The following NTM variants were observed in gnomAD, a reference collection of about 807,000 sequenced individuals.
NTM encodes the protein IgLON family member 2.
A neutral mutation model predicts 42.1 loss-of-function variants in NTM; 13 were observed. That is an observed-to-expected ratio of 0.31 (90% CI 0.20 to 0.49). The LOEUF is 0.49. Among genes scored for constraint, NTM ranks in the 20% least tolerant of loss-of-function variants. The probability of loss-of-function intolerance (pLI) is 0.99; values close to 1 mark genes in which losing one functional copy is unlikely to be tolerated. For synonymous variants in NTM, 187 were observed against 179.2 expected, an observed-to-expected ratio of 1.04 and a Z score of -0.35; for missense variants, 373 against 452.8, an observed-to-expected ratio of 0.82 and a Z score of 1.60.
intron 1 of NTM, among the ~76,000 whole-genome samples, chr11:131,904,797 C>T (rs913367515): frequency 4.6e-5 from 7 of 152,182 alleles, no homozygotes; most frequent in Non-Finnish European, 8.8e-5. Context: ...CTTTTGCAAG[C>T]ACAGGCTGTT....
intron 3 of NTM, among the ~76,000 whole-genome samples, chr11:132,206,896 A>G (rs1011156159): frequency 1.3e-5 from 2 of 152,140 alleles, no homozygotes; most frequent in African/African-American, 2.4e-5. Context: ...TTCACATTCA[A>G]TCATACACAA....
At chr11:131,735,593 A>G (rs1046438059) in intron 1 of NTM, among the ~76,000 whole-genome samples, 2 of 152,206 alleles carry the variant, frequency 1.3e-5, no homozygotes, top group Non-Finnish European at 2.9e-5. Context: ...ATGCCCCGAC[A>G]AAGTGTTTTT....
intron 2 of NTM, among the ~76,000 whole-genome samples, chr11:131,916,094 G>A (rs140204305): frequency 3.5e-4 from 54 of 152,324 alleles, no homozygotes; most frequent in African/African-American, 7.9e-4. Context: ...CCATGAAAAC[G>A]TGGGCGATCA....
intron 1 of NTM, among the ~76,000 whole-genome samples, chr11:131,529,063 A>G (rs1713698658): frequency 6.6e-6 from 1 of 152,214 alleles, no homozygotes; most frequent in African/African-American, 2.4e-5. Context: ...CAGAAGAAAC[A>G]CTGAAATTAG....
chr11:131,486,875 G>T (rs5023862), intron 1 of NTM, among the ~76,000 whole-genome samples: 10,038 of 152,186 alleles, frequency 0.066, 1,117 homozygotes, highest in African/African-American at 0.23. Flanking sequence ...GACGAATAGC[G>T]GGATGCCAGC....
At chr11:131,438,961 G>A (rs1949374007) in intron 1 of NTM, among the ~76,000 whole-genome samples, 1 of 152,086 alleles carries the variant, frequency 6.6e-6, no homozygotes, top group African/African-American at 2.4e-5. Context: ...ACCTATAGAT[G>A]GGGTTTTGGT....
intron 2 of NTM, among the ~76,000 whole-genome samples, chr11:132,001,313 T>C (rs2069182629): frequency 6.6e-6 from 1 of 152,236 alleles, no homozygotes; most frequent in Non-Finnish European, 1.5e-5. Flanking sequence ...AGAAATTTTC[T>C]TGTATACATA....
chr11:131,715,288 A>G (rs914353656), intron 1 of NTM, among the ~76,000 whole-genome samples: 1 of 152,214 alleles, frequency 6.6e-6, no homozygotes, highest in Non-Finnish European at 1.5e-5. Context: ...CAGATAAATC[A>G]TAAGTTTCTT....
intron 1 of NTM, among the ~76,000 whole-genome samples, chr11:131,399,197 G>T (rs2135664212): frequency 6.6e-6 from 1 of 152,242 alleles, no homozygotes; most frequent in South Asian, 2.1e-4. Context: ...TTAGTTTGCT[G>T]CCAGGATGTT....
chr11:131,661,096 G>A, intron 1 of NTM: 2 of 1,236,348 alleles, frequency 1.6e-6, no homozygotes, highest in Non-Finnish European at 2.2e-6. Flanking sequence ...TGGTGGGGGG[G>A]TCTTCCCCCT....
At chr11:131,771,478 T>G (rs1215871775) in intron 1 of NTM, 6 of 152,216 alleles carry the variant, frequency 3.9e-5, no homozygotes, top group Non-Finnish European at 5.9e-5. Context: ...CTTAATCATC[T>G]TCATCATCTG....
chr11:131,600,503 G>C (rs934909511), intron 1 of NTM, among the ~76,000 whole-genome samples: 1 of 152,142 alleles, frequency 6.6e-6, no homozygotes, highest in Admixed American at 6.5e-5. Context: ...GCTTTGTGCA[G>C]CAGGTTTCAC....
intron 1 of NTM, among the ~76,000 whole-genome samples, chr11:131,381,295 C>T (rs1194410552): frequency 6.6e-6 from 1 of 152,138 alleles, no homozygotes; most frequent in African/African-American, 2.4e-5. Flanking sequence ...AGTCTCTCTT[C>T]CACAAAGCTG....
At chr11:131,391,725 G>A (rs1944033359) in intron 1 of NTM, among the ~76,000 whole-genome samples, 1 of 151,516 alleles carries the variant, frequency 6.6e-6, no homozygotes, top group Non-Finnish European at 1.5e-5. Context: ...ACAGAAACAG[G>A]CTCCCAGCAC....
intron 3 of NTM, among the ~76,000 whole-genome samples, chr11:132,179,400 G>A (rs935826251): frequency 5.3e-5 from 8 of 152,058 alleles, no homozygotes; most frequent in African/African-American, 1.9e-4. Flanking sequence ...GATGGAAGTG[G>A]GTAGGCAAAG....
chr11:131,462,672 G>T (rs534459983), intron 1 of NTM, among the ~76,000 whole-genome samples: 1 of 152,346 alleles, frequency 6.6e-6, no homozygotes, highest in East Asian at 1.9e-4. Flanking sequence ...CTTTCATCCT[G>T]CATGGATCCT....
At chr11:132,114,874 T>C (rs2063678478) in intron 2 of NTM, among the ~76,000 whole-genome samples, 1 of 152,240 alleles carries the variant, frequency 6.6e-6, no homozygotes, top group African/African-American at 2.4e-5. Flanking sequence ...TGCTTCCATA[T>C]CTTAGCTATT....
intron 2 of NTM, among the ~76,000 whole-genome samples, chr11:132,086,718 A>G (rs891298888): frequency 2.0e-5 from 3 of 152,376 alleles, no homozygotes; most frequent in Middle Eastern, 6.8e-3. Flanking sequence ...GATCCTTATC[A>G]TTCCTTTTAC....
chr11:131,822,994 T>C (rs1451008541), intron 1 of NTM, among the ~76,000 whole-genome samples: 1 of 152,180 alleles, frequency 6.6e-6, no homozygotes, highest in African/African-American at 2.4e-5. Flanking sequence ...CTCCTTCCCT[T>C]CCTTTCTGCC....
Sources: allele counts gnomAD v4.1 joint callset (sites outside exome capture counted in the v4.1 genomes callset), GRCh38; gene constraint gnomAD v4.1.1; transcripts MANE v1.5; gene names NCBI Gene and HGNC (gene_info 2026-07-23, HGNC 2026-07-21).